The following UBE2E2 variants were observed in gnomAD, a reference collection of about 807,000 sequenced individuals.
UBE2E2 encodes ubiquitin-conjugating enzyme E2 E2.
In UBE2E2, 6 loss-of-function variants were observed where a neutral mutation model predicts 24.7. That is an observed-to-expected ratio of 0.24 (90% CI 0.13 to 0.48). The LOEUF (loss-of-function observed/expected upper bound fraction) is 0.48. UBE2E2 is among the 20% of genes least tolerant of loss of function. The probability of loss-of-function intolerance (pLI) is 0.99; values close to 1 mark genes in which losing one functional copy is unlikely to be tolerated. For synonymous variants in UBE2E2, 104 were observed against 83.6 expected, an observed-to-expected ratio of 1.24 and a Z score of -1.33; for missense variants, 169 against 245.0, an observed-to-expected ratio of 0.69 and a Z score of 2.07.
At chr3:23,462,004 A>G (rs955508302) in intron 3 of UBE2E2, among the ~76,000 whole-genome samples, 2 of 152,204 alleles carry the variant, frequency 1.3e-5, no homozygotes, top group Non-Finnish European at 2.9e-5. Context: ...GGGGTGAGCT[A>G]AAGTGATTTG....
chr3:23,449,831 A>G (rs987888145), intron 3 of UBE2E2: 24 of 982,848 alleles, frequency 2.4e-5, no homozygotes, highest in Non-Finnish European at 2.9e-5. Context: ...CTGGCTAACA[A>G]TGAAATTTCC....
chr3:23,307,037 G>A (rs1343244015), intron 3 of UBE2E2, among the ~76,000 whole-genome samples: 2 of 152,000 alleles, frequency 1.3e-5, no homozygotes, highest in Non-Finnish European at 2.9e-5. Flanking sequence ...ATACAAAAAA[G>A]CAACAGACAA....
chr3:23,505,042 AC>A (rs1343355089), intron 4 of UBE2E2, among the ~76,000 whole-genome samples: 1 of 150,152 alleles, frequency 6.7e-6, no homozygotes, highest in African/African-American at 2.5e-5. Flanking sequence ...AGAGGCTGGG[AC>A]TACAGGCACA....
At chr3:23,560,382 C>A (rs1337833795) in intron 5 of UBE2E2, among the ~76,000 whole-genome samples, 1 of 152,140 alleles carries the variant, frequency 6.6e-6, no homozygotes, top group Non-Finnish European at 1.5e-5. Flanking sequence ...CGTGTCCCTA[C>A]AAAGGACATG....
At chr3:23,364,570 C>A (rs1040120952) in intron 3 of UBE2E2, among the ~76,000 whole-genome samples, 1 of 152,012 alleles carries the variant, frequency 6.6e-6, no homozygotes, top group Non-Finnish European at 1.5e-5. Context: ...CAAGATTGAA[C>A]CAGGAAGAAG....
intron 4 of UBE2E2, among the ~76,000 whole-genome samples, chr3:23,513,149 C>A (rs1694647170): frequency 6.6e-6 from 1 of 151,972 alleles, no homozygotes; most frequent in South Asian, 2.1e-4. Context: ...TTCTTCATTT[C>A]TTTTTTCTTT....
At chr3:23,229,840 T>C (rs959207894) in intron 3 of UBE2E2, among the ~76,000 whole-genome samples, 9 of 152,202 alleles carry the variant, frequency 5.9e-5, no homozygotes, top group African/African-American at 9.6e-5. Context: ...TAACTGATTT[T>C]TAATTTTAAT....
At chr3:23,369,128 G>A (rs1696334711) in intron 3 of UBE2E2, among the ~76,000 whole-genome samples, 1 of 152,158 alleles carries the variant, frequency 6.6e-6, no homozygotes, top group African/African-American at 2.4e-5. Flanking sequence ...CATTCAAAGA[G>A]TAGCTTTTAT....
At chr3:23,438,934 A>C (rs1427066001) in intron 3 of UBE2E2, among the ~76,000 whole-genome samples, 1 of 152,232 alleles carries the variant, frequency 6.6e-6, no homozygotes, top group East Asian at 1.9e-4. Flanking sequence ...CTTCTTTGCA[A>C]GGATATTTGA....
chr3:23,260,913 G>A (rs769423248), intron 3 of UBE2E2, among the ~76,000 whole-genome samples: 1 of 152,098 alleles, frequency 6.6e-6, no homozygotes, highest in African/African-American at 2.4e-5. Context: ...AGATCAGCAT[G>A]GGCAACGTGG....
chr3:23,203,286 C>T (rs1696012480), upstream of UBE2E2: 2 of 987,746 alleles, frequency 2.0e-6, no homozygotes, highest in African/African-American at 1.7e-5. Flanking sequence ...GGCGCGAGCG[C>T]GGCGGGGACA....
intron 5 of UBE2E2, among the ~76,000 whole-genome samples, chr3:23,582,243 A>G (rs1322198398): frequency 1.3e-5 from 2 of 152,078 alleles, no homozygotes; most frequent in Admixed American, 1.3e-4. Context: ...ATTCTTTTTT[A>G]TGGCTGCATA....
At chr3:23,258,900 G>GAAAAAAA (rs11333992) in intron 3 of UBE2E2, among the ~76,000 whole-genome samples, 5 of 78,904 alleles carry the variant, frequency 6.3e-5, no homozygotes, top group South Asian at 5.7e-4. Context: ...CTCAAAAAAA[G>GAAAAAAA]AAAAAAAAAA....
intron 3 of UBE2E2, among the ~76,000 whole-genome samples, chr3:23,423,650 T>G (rs1697855617): frequency 6.6e-6 from 1 of 152,206 alleles, no homozygotes; most frequent in South Asian, 2.1e-4. Context: ...GTGCGTGTAT[T>G]TATTTCTAGA....
intron 3 of UBE2E2, among the ~76,000 whole-genome samples, chr3:23,251,822 G>C (rs1454874279): frequency 2.0e-5 from 3 of 152,070 alleles, no homozygotes; most frequent in African/African-American, 4.8e-5. Context: ...AACATGGCTA[G>C]GGTAAGGTTA....
At chr3:23,555,431 T>C (rs1467751678) in intron 5 of UBE2E2, among the ~76,000 whole-genome samples, 1 of 152,076 alleles carries the variant, frequency 6.6e-6, no homozygotes, top group Non-Finnish European at 1.5e-5. Context: ...AGTGGAAACA[T>C]AGATTGGTAC....
At position 23,531,936 on chromosome 3, in the gene UBE2E2, C is replaced by T. The variant is rs188386913; in HGVS notation, c.361-618C>T. On this transcript the variant is annotated intron_variant, in intron 4 of 5. Coordinates refer to ENST00000396703, the MANE Select transcript of UBE2E2 (RefSeq NM_152653.4). ...AATTAGCTGGGTGTGGTGGCGGGCA[C>T]CTCTAATCCCAGCTACTTGGGAGGC... Among the ~76,000 whole-genome samples, 1,140 of 152,006 alleles carry T rather than the reference C, an allele frequency of 7.5e-3. 11 individuals carry two copies. The highest frequency in any genetic ancestry group is 0.02 in the African/African-American group (843 of 41,466).
intron 3 of UBE2E2, among the ~76,000 whole-genome samples, chr3:23,330,068 A>T (rs1232420353): frequency 6.6e-6 from 1 of 152,248 alleles, no homozygotes; most frequent in Non-Finnish European, 1.5e-5. Flanking sequence ...TTAGTACAGT[A>T]GGCATGGGAT....
At chr3:23,384,225 C>G (rs1332337108) in intron 3 of UBE2E2, among the ~76,000 whole-genome samples, 1 of 152,180 alleles carries the variant, frequency 6.6e-6, no homozygotes, top group East Asian at 1.9e-4. Flanking sequence ...TATAGTGTCA[C>G]GAGCATGGCT....
Sources: gnomAD v4.1 joint callset for allele counts (sites outside exome capture counted in the v4.1 genomes callset) on GRCh38, gnomAD v4.1.1 for gene constraint, MANE v1.5 for transcripts, NCBI Gene and HGNC (gene_info 2026-07-23, HGNC 2026-07-21) for gene names.